The following IRAG2 variants were observed in gnomAD, a reference collection of about 807,000 sequenced individuals.
The protein encoded by IRAG2 is inositol 1,4,5-triphosphate receptor associated 2, also known as lymphoid restricted membrane protein.
IRAG2 carries 45 observed loss-of-function variants against 69.9 expected under a neutral mutation model. The ratio of observed to expected loss-of-function variants is 0.64; its 90% CI spans 0.51 to 0.83. The LOEUF is 0.83. Ranked by LOEUF, IRAG2 falls within the 40% of genes least tolerant of loss-of-function variation. The pLI, the probability that IRAG2 is intolerant of heterozygous loss-of-function variation, is 0.00. For synonymous variants in IRAG2, 193 were observed against 202.4 expected (o/e 0.95, Z 0.40); for missense variants, 520 against 587.0 (o/e 0.89, Z 1.18).
intron 3 of IRAG2, among the ~76,000 whole-genome samples, chr12:25,012,087 C>T (rs1355457008): frequency 7.3e-5 from 11 of 149,980 alleles, no homozygotes; most frequent in African/African-American, 2.7e-4. Flanking sequence ...CCCATGATCT[C>T]AGGTGCCCTT....
intron 8 of IRAG2, among the ~76,000 whole-genome samples, chr12:25,026,323 G>A (rs1342294051): frequency 1.3e-5 from 2 of 152,200 alleles, no homozygotes; most frequent in Non-Finnish European, 2.9e-5. Flanking sequence ...CTGGTGTGGA[G>A]TGGGTGGTAA....
At chr12:25,086,503 A>G (rs1947615846) in intron 10 of IRAG2, among the ~76,000 whole-genome samples, 1 of 152,222 alleles carries the variant, frequency 6.6e-6, no homozygotes, top group African/African-American at 2.4e-5. Flanking sequence ...GCGGTTTTTG[A>G]AAGCTGACAT....
intron 6 of IRAG2, among the ~76,000 whole-genome samples, chr12:25,019,403 C>CA (rs1944558225): frequency 6.6e-6 from 1 of 152,094 alleles, no homozygotes; most frequent in Admixed American, 6.6e-5. Context: ...AAGTGGCTCT[C>CA]AGCAGGATGG....
At chr12:25,098,360 T>C (rs894599229) in intron 15 of IRAG2, among the ~76,000 whole-genome samples, 1 of 152,182 alleles carries the variant, frequency 6.6e-6, no homozygotes, top group Non-Finnish European at 1.5e-5. Flanking sequence ...TCTTTCCCCA[T>C]ATTCTCTCTC....
intron 3 of IRAG2, among the ~76,000 whole-genome samples, chr12:25,012,186 A>C (rs1591923425): frequency 4.7e-5 from 5 of 107,180 alleles, no homozygotes; most frequent in South Asian, 2.8e-4. Context: ...ACGGAGTTTC[A>C]CTCTGTTGCC....
In IRAG2 at chr12:25,103,860, T is replaced by A; in HGVS notation, c.957T>A (p.Thr319=). 1 of 1,613,156 alleles carries A rather than the reference T, an allele frequency of 6.2e-7. No individual in the cohort carries two copies. The highest frequency in any genetic ancestry group is 8.5e-7 in the Non-Finnish European group (1 of 1,179,288). The part of the protein sequence containing the change: ...NSKPSSLRRV[T]IASLPRNIGN... Reference sequence around the variant, plus strand: ...AGCCATCTTCTCTACGAAGAGTGACTATTGCCTCTTTACCCAGAAATATTG... The same window carrying A: ...AGCCATCTTCTCTACGAAGAGTGACAATTGCCTCTTTACCCAGAAATATTG... Residue 319 remains threonine (T), a synonymous_variant, in exon 18 of 22, where the codon ACT becomes ACA. Coordinates refer to ENST00000556887, the MANE Select transcript of IRAG2 (RefSeq NM_001366544.2).
chr12:25,090,296 T>A lies in IRAG2; in HGVS notation c.606+99T>A, dbSNP rs958823041. 58 of 1,133,804 alleles carry A rather than the reference T, an allele frequency of 5.1e-5. No homozygotes were observed. In the Admixed American group the frequency reaches 1.3e-3, roughly 25 times the overall value. 70.2% of individuals were successfully genotyped at this position (1,133,804 alleles called of 1,614,324 possible). ...ACTTTGGGAGGCCAAGGCAGGAGGA[T>A]CATGGGAGACCAAGGCAGGAGGATC... is the stretch of plus-strand genomic sequence containing the variant. On this transcript the variant is annotated intron_variant, in intron 14 of 21. Transcript: ENST00000556887.
In IRAG2 at chr12:25,083,376, T is replaced by C. The variant is rs775435259; in HGVS notation, c.245-47T>C. 4.2e-6 allele frequency: 5 copies of C among 1,204,048 alleles called. No individual in the cohort carries two copies. The South Asian group carries it at 6.0e-5, about 15-fold the overall frequency. The allele number at this position is 1,204,048 out of a possible 1,614,324, so 74.6% of individuals were successfully genotyped here. ...CTCTCACTGTTTCCTCCTCTTTTAC[T>C]TGCTCCTGCCCCCCTAACTGCTTTG... On this transcript the variant is annotated intron_variant, in intron 9 of 21. Transcript: ENST00000556887.
chr12:25,046,982 A>C (rs1203766373), intron 16 of IRAG2, among the ~76,000 whole-genome samples: 2 of 152,204 alleles, frequency 1.3e-5, no homozygotes, highest in Non-Finnish European at 2.9e-5. Flanking sequence ...AGACAGATAT[A>C]TAGACCAATG....
intron 9 of IRAG2, among the ~76,000 whole-genome samples, chr12:25,081,187 G>A (rs1254319647): frequency 6.6e-6 from 1 of 152,186 alleles, no homozygotes; most frequent in Non-Finnish European, 1.5e-5. Flanking sequence ...TTGTGGCTGG[G>A]CGTGGTGGCT....
At chr12:25,015,260 A>G in exon 4 of IRAG2, 1 of 1,230,992 alleles carries the variant, frequency 8.1e-7, no homozygotes, top group Non-Finnish European at 1.0e-6. Flanking sequence ...CAGATGGAAC[A>G]AGTATGTATG....
At chr12:25,085,323 G>A (rs928949615) in intron 10 of IRAG2, among the ~76,000 whole-genome samples, 1 of 152,058 alleles carries the variant, frequency 6.6e-6, no homozygotes, top group African/African-American at 2.4e-5. Context: ...GAGCCAGAAG[G>A]GGGGATGGAG....
chr12:25,080,210 T>C (rs1470461208), intron 9 of IRAG2, among the ~76,000 whole-genome samples: 1 of 151,616 alleles, frequency 6.6e-6, no homozygotes, highest in Non-Finnish European at 1.5e-5. Context: ...GTTAGGTCCT[T>C]TTCTGCTACT....
rs200990675 is a variant in IRAG2 at position 25,077,266 on chromosome 12, AATATATATGAAATATATATG to A, written c.25-1969_25-1950del. 6.6e-3 allele frequency among the ~76,000 whole-genome samples: 216 copies of A among 32,780 alleles called. 17 individuals are homozygous for A. The highest frequency in any genetic ancestry group is 0.015 in the South Asian group (14 of 940). 21.5% of individuals were successfully genotyped at this position (32,780 alleles called of 152,430 possible). Reference sequence around the variant, plus strand: ...AAATATATATATGATATATATATGAAATATATATGAAATATATATGATATATATATGAAATATATATGATA... The same window carrying A: ...AAATATATATATGATATATATATGAAATATATATATGAAATATATATGATA... On this transcript the variant is annotated intron_variant, in intron 6 of 21. Transcript: ENST00000556887.
chr12:25,041,563 C>A (rs907058654), intron 16 of IRAG2, among the ~76,000 whole-genome samples: 1 of 151,842 alleles, frequency 6.6e-6, no homozygotes, highest in Non-Finnish European at 1.5e-5. Flanking sequence ...CTCACTGGAA[C>A]CTCCACCTCC....
intron 7 of IRAG2, chr12:25,020,967 A>C: frequency 1.2e-6 from 1 of 827,748 alleles, no homozygotes; most frequent in Admixed American, 4.3e-5. Context: ...TGAAATATAC[A>C]AGAGGACTTA....
intron 9 of IRAG2, among the ~76,000 whole-genome samples, chr12:25,029,551 T>A (rs960741367): frequency 6.6e-6 from 1 of 152,166 alleles, no homozygotes; most frequent in Non-Finnish European, 1.5e-5. Context: ...TATACATATT[T>A]ATTCATTCTA....
intron 5 of IRAG2, among the ~76,000 whole-genome samples, chr12:25,066,778 T>C (rs1433861585): frequency 6.6e-6 from 1 of 151,966 alleles, no homozygotes; most frequent in Non-Finnish European, 1.5e-5. Context: ...GCCTTCCAAG[T>C]AGCTGGGACT....
Position 25,084,150 on chromosome 12 carries a change from G to C in IRAG2, c.315+657G>C, listed in dbSNP as rs1947411200. Among the ~76,000 whole-genome samples, 6 of 152,214 alleles carry C rather than the reference G, an allele frequency of 3.9e-5. No individual in the cohort carries two copies. In the South Asian group the frequency reaches 1.2e-3, roughly 32 times the overall value. ...TGCCTGTAATCCCAGCACTTTGAGA[G>C]ATCGAGGTGGAAGGATTGCTTGAGC... On this transcript the variant is annotated intron_variant, in intron 10 of 21. Coordinates refer to ENST00000556887, the MANE Select transcript of IRAG2 (RefSeq NM_001366544.2).
Sources: allele counts gnomAD v4.1 joint callset (sites outside exome capture counted in the v4.1 genomes callset), GRCh38; gene constraint gnomAD v4.1.1; transcripts MANE v1.5; gene names NCBI Gene and HGNC (gene_info 2026-07-23, HGNC 2026-07-21).